Variants in ADGRF1 observed in about 807,000 individuals in gnomAD.
ADGRF1 encodes the protein G protein-coupled receptor 110.
A neutral mutation model predicts 87.2 loss-of-function variants in ADGRF1; 85 were observed. The ratio of observed to expected loss-of-function variants is 0.97; its 90% CI spans 0.82 to 1.17. The LOEUF (loss-of-function observed/expected upper bound fraction) is 1.17, where lower values mean the gene tolerates loss of function less well. Ranked by LOEUF, ADGRF1 falls within the 50% of genes most tolerant of loss-of-function variation. The pLI is 0.00. For missense variants in ADGRF1, 1,169 were observed against 1,077.2 expected, an observed-to-expected ratio of 1.09 and a Z score of -1.19; for synonymous variants, 430 against 408.8, an observed-to-expected ratio of 1.05 and a Z score of -0.63.
intron 1 of ADGRF1, among the ~76,000 whole-genome samples, chr6:47,038,667 G>C (rs1267740341): frequency 1.3e-5 from 2 of 152,126 alleles, no homozygotes; most frequent in Non-Finnish European, 2.9e-5. Context: ...CAGTGGTATA[G>C]AACACTAGAA....
intron 4 of ADGRF1, among the ~76,000 whole-genome samples, chr6:47,025,144 T>C (rs1226892792): frequency 6.6e-6 from 1 of 152,130 alleles, no homozygotes; most frequent in South Asian, 2.1e-4. Flanking sequence ...ACCGAAGTCG[T>C]CTTTTTTTTT....
intron 1 of ADGRF1, among the ~76,000 whole-genome samples, chr6:47,036,232 A>G (rs1780585367): frequency 6.6e-6 from 1 of 152,138 alleles, no homozygotes; most frequent in South Asian, 2.1e-4. Flanking sequence ...CCTGTCTCAA[A>G]AACAGAACAA....
At position 46,998,924 on chromosome 6, in the gene ADGRF1, G is replaced by A. The variant is rs186378079; in HGVS notation, c.*1298C>T. On this transcript the variant is annotated 3_prime_UTR_variant, in exon 15 of 15. Coordinates refer to ENST00000371253, the MANE Select transcript of ADGRF1 (RefSeq NM_153840.4). Reference sequence around the variant, plus strand: ...GAAGTCTAACTTTGAATTTCTCTCAGGTATGCTTATTTAATCTACCACCAC... The same window carrying A: ...GAAGTCTAACTTTGAATTTCTCTCAAGTATGCTTATTTAATCTACCACCAC... 4 of 152,336 alleles carry A rather than the reference G, an allele frequency of 2.6e-5. No individual in the cohort carries two copies. Among genetic ancestry groups the A allele is most frequent in the Admixed American group, 2.6e-4 (4 of 15,296 alleles). 9.4% of individuals were successfully genotyped at this position (152,336 alleles called of 1,614,324 possible). A position where few individuals can be genotyped will look rare whatever the true frequency, so the allele number is the denominator to read the frequency against.
At position 47,027,680 on chromosome 6, in the gene ADGRF1, C is replaced by G. The variant is rs201508043; in HGVS notation, c.127+24G>C. 2.0e-5 allele frequency: 32 copies of G among 1,571,826 alleles called. No individual in the cohort carries two copies. In the African/African-American group the frequency reaches 3.8e-4, roughly 19 times the overall value. ...TCCCTTGACACCAAAATCCACTGCA[C>G]CATGCTGTCTAACAGAGCCTCACCT... is the stretch of plus-strand genomic sequence containing the variant. On this transcript the variant is annotated intron_variant, in intron 3 of 14. Coordinates refer to ENST00000371253, the MANE Select transcript of ADGRF1 (RefSeq NM_153840.4).
chr6:47,023,173 T>G (rs1780118153), intron 5 of ADGRF1, among the ~76,000 whole-genome samples: 1 of 152,196 alleles, frequency 6.6e-6, no homozygotes, highest in African/African-American at 2.4e-5. Context: ...TTCTTTCTTG[T>G]ATTACAGTCT....
chr6:47,026,458 G>A (rs1780239184), intron 3 of ADGRF1, among the ~76,000 whole-genome samples: 1 of 150,440 alleles, frequency 6.6e-6, no homozygotes, highest in African/African-American at 2.5e-5. Context: ...TTCTTCTCCT[G>A]TGAAAATATT....
At chr6:47,014,543 C>T in intron 9 of ADGRF1, 138 bp downstream of exon 9, 1 of 1,455,274 alleles carries the variant, frequency 6.9e-7, no homozygotes, top group Non-Finnish European at 9.0e-7. Flanking sequence ...TCACCAGGGT[C>T]TGATGTCATC....
chr6:47,015,164 A>G (rs1779828893), intron 8 of ADGRF1, among the ~76,000 whole-genome samples: 1 of 152,188 alleles, frequency 6.6e-6, no homozygotes, highest in African/African-American at 2.4e-5. Context: ...ACTCTCAGGA[A>G]ATATTTTTAC....
At chr6:47,033,381 T>C (rs1780491802) in intron 1 of ADGRF1, among the ~76,000 whole-genome samples, 1 of 152,240 alleles carries the variant, frequency 6.6e-6, no homozygotes, top group African/African-American at 2.4e-5. Context: ...ACTCCAAATA[T>C]CATTTATTTA....
chr6:47,041,430 C>G (rs1780740256), intron 1 of ADGRF1, among the ~76,000 whole-genome samples: 1 of 152,188 alleles, frequency 6.6e-6, no homozygotes. Context: ...ACCTCTCCCA[C>G]CTTGACCTTC....
Position 47,027,723 on chromosome 6 carries a change from C to G in ADGRF1, c.108G>C (p.Val36=). 2.5e-6 allele frequency: 4 copies of G among 1,604,648 alleles called. No homozygotes were observed. The highest frequency in any genetic ancestry group is 3.4e-6 in the Non-Finnish European group (4 of 1,171,830). ...DGIKTKKELI[V]NKKKHLGPVE... is the part of the protein sequence containing the mutation. ...CCTCACCTAGATGTTTTTTCTTATT[C>G]ACAATGAGTTCTTTTTTTGTTTTGA... The change falls in exon 3 of 15, where the codon GTG becomes GTC. Residue 36 remains valine (V), a synonymous_variant. Transcript: ENST00000371253.
chr6:47,036,774 C>A (rs932884775), intron 1 of ADGRF1, among the ~76,000 whole-genome samples: 5 of 152,052 alleles, frequency 3.3e-5, no homozygotes, highest in African/African-American at 1.2e-4. Context: ...TCATATTCCC[C>A]AGATGATTCT....
At chr6:47,018,680 GGT>G in intron 7 of ADGRF1, 1 of 1,029,736 alleles carries the variant, frequency 9.7e-7, no homozygotes, top group Non-Finnish European at 1.3e-6. Context: ...GGGAGGCCAA[GGT>G]GTGTGGGTCA....
chr6:47,000,762 A>G (rs1447622242), intron 14 of ADGRF1, among the ~76,000 whole-genome samples: 1 of 152,212 alleles, frequency 6.6e-6, no homozygotes, highest in Non-Finnish European at 1.5e-5. Flanking sequence ...TTTCAATGGG[A>G]ATATAAAATG....
At chr6:47,024,377 T>C (rs1346362662) in intron 4 of ADGRF1, 160 bp from the exon 5 acceptor site, 3 of 578,662 alleles carry the variant, frequency 5.2e-6, no homozygotes, top group Non-Finnish European at 9.0e-6. Context: ...TACAGTGGCA[T>C]GATCTCAGCT....
chr6:47,037,670 A>T (rs904069066), intron 1 of ADGRF1, among the ~76,000 whole-genome samples: 6 of 151,736 alleles, frequency 4.0e-5, no homozygotes, highest in African/African-American at 1.5e-4. Context: ...ACACCCAGCT[A>T]ATTATTTTTT....
At chr6:47,012,538 A>G (rs1405879364) in intron 9 of ADGRF1, 1 of 693,968 alleles carries the variant, frequency 1.4e-6, no homozygotes, top group Non-Finnish European at 1.8e-6. Flanking sequence ...ATTTACTAAA[A>G]ATCATTTTCA....
chr6:47,009,045 G>T lies in ADGRF1; in HGVS notation c.2390C>A (p.Thr797Asn). Reference sequence around the variant, plus strand: ...GCCCCAGGTGAGCCCTAGCAGAGGGGTCAGAATGAGGAGGCTCTTCCCCAC... The same window carrying T: ...GCCCCAGGTGAGCCCTAGCAGAGGGTTCAGAATGAGGAGGCTCTTCCCCAC... ...IRVGKSLLILTPLLGLTWGFG... is the reference protein window; with the variant it reads ...IRVGKSLLILNPLLGLTWGFG... The change falls in exon 11 of 15, where the codon ACC (threonine) becomes AAC (asparagine). Residue 797 changes from threonine to asparagine, a missense_variant. By Grantham distance (65) the Thr-to-Asn change is moderately conservative. Transcript: ENST00000371253. 2.5e-6 allele frequency: 4 copies of T among 1,614,038 alleles called. No individual in the cohort carries two copies. Among genetic ancestry groups the T allele is most frequent in the Non-Finnish European group, 3.4e-6 (4 of 1,179,982 alleles).
At chr6:47,030,856 G>A (rs1003900785) in intron 1 of ADGRF1, among the ~76,000 whole-genome samples, 14 of 151,700 alleles carry the variant, frequency 9.2e-5, no homozygotes, top group African/African-American at 1.5e-4. Flanking sequence ...TTCACCTTCC[G>A]GGTTCAAGCG....
Sources: allele counts gnomAD v4.1 joint callset (sites outside exome capture counted in the v4.1 genomes callset), GRCh38; gene constraint gnomAD v4.1.1; transcripts MANE v1.5; gene names NCBI Gene and HGNC (gene_info 2026-07-23, HGNC 2026-07-21).